CHN2: variants seen among roughly 807,000 people sequenced by gnomAD.
CHN2 encodes beta-chimaerin.
In CHN2, 35 loss-of-function variants were observed where a neutral mutation model predicts 56.3. The ratio of observed to expected loss-of-function variants is 0.62; its 90% CI spans 0.47 to 0.82. CHN2 has a LOEUF of 0.82. CHN2 is among the 40% of genes least tolerant of loss of function. The pLI is 0.00. For synonymous variants in CHN2, 210 were observed against 212.8 expected (o/e 0.99, Z 0.12); for missense variants, 491 against 580.5 (o/e 0.85, Z 1.58).
intron 1 of CHN2, among the ~76,000 whole-genome samples, chr7:29,296,735 G>A (rs1286855297): frequency 1.3e-5 from 2 of 152,116 alleles, no homozygotes; most frequent in African/African-American, 4.8e-5. Context: ...AAAAAATGAG[G>A]GACAGAAGAG....
intron 9 of CHN2, among the ~76,000 whole-genome samples, chr7:29,500,867 C>A (rs1789890340): frequency 6.6e-6 from 1 of 152,142 alleles, no homozygotes; most frequent in South Asian, 2.1e-4. Flanking sequence ...TAGAAACATT[C>A]CAAAAAATGT....
intron 2 of CHN2, among the ~76,000 whole-genome samples, chr7:29,154,988 G>A (rs557859030): frequency 2.6e-5 from 4 of 152,272 alleles, no homozygotes; most frequent in African/African-American, 9.6e-5. Context: ...TTACATGGAT[G>A]GTGGCAGGCA....
At chr7:29,159,620 C>T (rs948744852) in intron 2 of CHN2, among the ~76,000 whole-genome samples, 3 of 152,078 alleles carry the variant, frequency 2.0e-5, no homozygotes, top group Non-Finnish European at 2.9e-5. Context: ...CCTCCTTCCC[C>T]GCTTCGTGCA....
At position 29,509,844 on chromosome 7, in the gene CHN2, C is replaced by CA. The variant is rs34925686; in HGVS notation, c.1235+454dup. Among the ~76,000 whole-genome samples, 1,100 of 134,154 alleles carry CA rather than the reference C, an allele frequency of 8.2e-3. 17 individuals are homozygous for CA. Among genetic ancestry groups the CA allele is most frequent in the African/African-American group, 0.026 (946 of 35,826 alleles). The allele number at this position is 134,154 out of a possible 152,430, so 88.0% of individuals were successfully genotyped here. ...TGGGCAACAGAGCGAGACTCCATCT[C>CA]AAAAAAAAAAAAAAAAGAAAAAGAA... On this transcript the variant is annotated intron_variant, in intron 12 of 12. Transcript: ENST00000222792.
chr7:29,409,460 A>G (rs1220489686), intron 6 of CHN2, among the ~76,000 whole-genome samples: 1 of 152,178 alleles, frequency 6.6e-6, no homozygotes, highest in Admixed American at 6.5e-5. Flanking sequence ...GAATATTGGC[A>G]TTGTTTTTAC....
At chr7:29,398,572 T>C (rs1801950110) in intron 5 of CHN2, 86 bp downstream of exon 5, 2 of 812,448 alleles carry the variant, frequency 2.5e-6, no homozygotes, top group East Asian at 2.5e-5. Context: ...TAGCAGAGTA[T>C]ACATAACACA....
chr7:29,289,239 A>G (rs771870967), intron 1 of CHN2: 1 of 152,244 alleles, frequency 6.6e-6, no homozygotes, highest in African/African-American at 2.4e-5. Context: ...TTCACATAGC[A>G]TCTGTCCCTG....
chr7:29,379,406 G>T (rs749760128), intron 3 of CHN2, among the ~76,000 whole-genome samples: 25 of 152,218 alleles, frequency 1.6e-4, no homozygotes, highest in Non-Finnish European at 3.1e-4. Flanking sequence ...GCTGGTGTTA[G>T]CCTCCTATAT....
chr7:29,156,565 A>C (rs1794404063), intron 2 of CHN2, among the ~76,000 whole-genome samples: 2 of 152,304 alleles, frequency 1.3e-5, no homozygotes, highest in Non-Finnish European at 2.9e-5. Flanking sequence ...ATCTGAAGGA[A>C]CTCAGCTAAG....
chr7:29,417,646 C>A (rs34779545), intron 6 of CHN2, among the ~76,000 whole-genome samples: 54,131 of 152,040 alleles, frequency 0.36, 10,977 homozygotes, highest in East Asian at 0.63. Context: ...TTGCAAAAAT[C>A]AGGCAATTTC....
intron 1 of CHN2, among the ~76,000 whole-genome samples, chr7:29,293,812 C>A (rs1315398279): frequency 6.8e-6 from 1 of 147,964 alleles, no homozygotes; most frequent in Non-Finnish European, 1.5e-5. Context: ...GTATGTATTT[C>A]ATTTATTGTC....
intron 1 of CHN2, among the ~76,000 whole-genome samples, chr7:29,249,231 T>C (rs1788303770): frequency 6.6e-6 from 1 of 152,162 alleles, no homozygotes; most frequent in Admixed American, 6.5e-5. Context: ...GGGATGCCGA[T>C]GGCATAACTC....
chr7:29,334,149 C>T (rs755814571), intron 1 of CHN2, among the ~76,000 whole-genome samples: 9 of 147,712 alleles, frequency 6.1e-5, no homozygotes, highest in Non-Finnish European at 1.0e-4. Context: ...CCTCCCGGTT[C>T]AAGTGATTCT....
chr7:29,216,832 C>T (rs1276009639), intron 1 of CHN2, among the ~76,000 whole-genome samples: 4 of 152,136 alleles, frequency 2.6e-5, no homozygotes, highest in Admixed American at 6.5e-5. Flanking sequence ...TTATGAAATG[C>T]GAATGCTATG....
At chr7:29,285,287 C>T (rs1324810660) in intron 1 of CHN2, among the ~76,000 whole-genome samples, 1 of 152,198 alleles carries the variant, frequency 6.6e-6, no homozygotes, top group East Asian at 1.9e-4. Context: ...GCAAATGGAA[C>T]TCTTTTTCCA....
chr7:29,209,439 T>C (rs573932044), intron 1 of CHN2, among the ~76,000 whole-genome samples: 95 of 152,356 alleles, frequency 6.2e-4, no homozygotes, highest in African/African-American at 2.3e-3. Context: ...GCTAACCTAC[T>C]ACATTAAGAT....
chr7:29,395,850 C>T (rs1354405227), intron 4 of CHN2, among the ~76,000 whole-genome samples: 1 of 152,170 alleles, frequency 6.6e-6, no homozygotes, highest in Non-Finnish European at 1.5e-5. Context: ...CGCTGTCAAT[C>T]ACTTAAACTT....
intron 4 of CHN2, among the ~76,000 whole-genome samples, chr7:29,395,021 T>C (rs942417247): frequency 3.9e-5 from 6 of 152,266 alleles, no homozygotes; most frequent in Admixed American, 3.3e-4. Context: ...TTTTAAAAAA[T>C]GAAGGGTGTT....
At chr7:29,220,280 A>AAAGAGAGAGAGAGAG (rs1554366787) in intron 1 of CHN2, among the ~76,000 whole-genome samples, 2 of 138,168 alleles carry the variant, frequency 1.4e-5, no homozygotes, top group African/African-American at 5.4e-5. Flanking sequence ...AAAAAAAAAA[A>AAAGAGAGAGAGAGAG]AGAGAGAGAG....
Sources: gnomAD v4.1 joint callset for allele counts (sites outside exome capture counted in the v4.1 genomes callset) on GRCh38, gnomAD v4.1.1 for gene constraint, MANE v1.5 for transcripts, NCBI Gene and HGNC (gene_info 2026-07-23, HGNC 2026-07-21) for gene names.